Variants in CDH23 observed in about 807,000 individuals in gnomAD.
CDH23 encodes cadherin-23.
In CDH23, 189 loss-of-function variants were observed where a neutral mutation model predicts 317.1. That is an observed-to-expected ratio of 0.60 (90% CI 0.53 to 0.67). The LOEUF is 0.67. CDH23 is among the 30% of genes least tolerant of loss of function. The pLI is 0.00. For synonymous variants in CDH23, 1,839 were observed against 1,876.8 expected (o/e 0.98, Z 0.52); for missense variants, 4,401 against 4,592.4 (o/e 0.96, Z 1.20).
At chr10:71,516,848 A>T (rs1239566060) in intron 6 of CDH23, among the ~76,000 whole-genome samples, 1 of 152,234 alleles carries the variant, frequency 6.6e-6, no homozygotes, top group Non-Finnish European at 1.5e-5. Flanking sequence ...CCTGCCTTGC[A>T]AACATCGTAG....
At chr10:71,660,777 G>A (rs1863615112) in intron 14 of CDH23, among the ~76,000 whole-genome samples, 2 of 152,164 alleles carry the variant, frequency 1.3e-5, no homozygotes, top group Non-Finnish European at 2.9e-5. Flanking sequence ...TCACCTCTGT[G>A]TGCCTCCATT....
intron 20 of CDH23, among the ~76,000 whole-genome samples, chr10:71,691,327 T>A (rs1246803455): frequency 6.6e-6 from 1 of 152,216 alleles, no homozygotes; most frequent in East Asian, 1.9e-4. Context: ...CATTTATTCA[T>A]ATGTTCATTC....
At chr10:71,479,497 T>G (rs1013348496) in intron 3 of CDH23, among the ~76,000 whole-genome samples, 5 of 152,108 alleles carry the variant, frequency 3.3e-5, no homozygotes, top group Non-Finnish European at 7.4e-5. Context: ...CAGAGTGGAT[T>G]TGGAGAGACA....
intron 9 of CDH23, among the ~76,000 whole-genome samples, chr10:71,613,930 G>A (rs537226878): frequency 4.6e-5 from 7 of 152,308 alleles, no homozygotes; most frequent in African/African-American, 1.7e-4. Context: ...TCCTTATTTT[G>A]TGCCGGGGAT....
At chr10:71,614,273 C>T (rs760652569) in intron 9 of CDH23, among the ~76,000 whole-genome samples, 1 of 152,244 alleles carries the variant, frequency 6.6e-6, no homozygotes, top group East Asian at 1.9e-4. Context: ...GCATGCCCAA[C>T]AATGCCCAGC....
Position 71,645,892 on chromosome 10 carries a change from C to T in CDH23, c.1202C>T (p.Ser401Phe). 1 of 1,613,686 alleles carries T rather than the reference C, an allele frequency of 6.2e-7. No individual in the cohort carries two copies. The stretch of plus-strand genomic sequence containing the variant: ...AACAACTCCCACCACTTCATCATCT[C>T]CCCGACCTCCGTCCAGGGGAAGGCG... ...VGNNSHHFII[S>F]PTSVQGKADI... The change falls in exon 13 of 70, where the codon TCC becomes TTC. Residue 401 changes from serine (S) to phenylalanine (F), a missense_variant. Ser to Phe is a radical substitution (Grantham distance 155, BLOSUM62 -2). This residue lies in a region of CDH23 where 3,068 missense variants were observed against 3,203.3 expected (regional missense o/e 0.96). Transcript: ENST00000224721.
chr10:71,812,724 GTGTGGGGTC>G, intron 67 of CDH23, 35 bp from the exon 68 acceptor site: 1 of 1,612,820 alleles, frequency 6.2e-7, no homozygotes, highest in Middle Eastern at 1.6e-4. Flanking sequence ...TTGTACATGT[GTGTGGGGTC>G]TGCCTCTGCT....
chr10:71,813,131 C>A, intron 68 of CDH23, 113 bp from the exon 69 acceptor site: 1 of 1,167,734 alleles, frequency 8.6e-7, no homozygotes. Flanking sequence ...ATCCTCTGCC[C>A]TAGGATCACC....
intron 9 of CDH23, among the ~76,000 whole-genome samples, chr10:71,608,323 G>A (rs1860651352): frequency 6.6e-6 from 1 of 152,282 alleles, no homozygotes; most frequent in South Asian, 2.1e-4. Flanking sequence ...ACCTGGGCAG[G>A]GCCAGGTGAC....
rs1173306003 is a variant in CDH23, at chr10:71,751,548, A to G, written c.4845+9627A>G. 9.4e-7 allele frequency: 1 copy of G among 1,058,474 alleles called. No individual in the cohort carries two copies. Among genetic ancestry groups the G allele is most frequent in the African/African-American group, 1.6e-5 (1 of 61,454 alleles). 65.6% of individuals were successfully genotyped at this position (1,058,474 alleles called of 1,614,324 possible). On this transcript the variant is annotated intron_variant, in intron 38 of 69. Coordinates refer to ENST00000224721, the MANE Select transcript of CDH23 (RefSeq NM_022124.6). This position sits in a 1 kb window ranked among gnomAD's most constrained non-coding sequence, Gnocchi z 4.9. ...GGGGCCCCTCTGTCCCTCACCCTCA[A>G]CCCCACCCCGTGAGGCCGTGGAACT... is the stretch of plus-strand genomic sequence containing the variant.
At chr10:71,503,789 G>A (rs1023707275) in intron 3 of CDH23, among the ~76,000 whole-genome samples, 5 of 152,170 alleles carry the variant, frequency 3.3e-5, no homozygotes, top group South Asian at 2.1e-4. Flanking sequence ...GTGCTAACTC[G>A]CCACCCGAGA....
chr10:71,687,867 G>A (rs917902464), intron 19 of CDH23, 148 bp downstream of exon 19: 24 of 747,098 alleles, frequency 3.2e-5, no homozygotes, highest in Non-Finnish European at 5.2e-5. Flanking sequence ...TGACAAATCG[G>A]GGAGCCTTTG....
At chr10:71,633,302 A>AT (rs939525437) in intron 11 of CDH23, among the ~76,000 whole-genome samples, 9 of 151,892 alleles carry the variant, frequency 5.9e-5, no homozygotes, top group Non-Finnish European at 7.4e-5. Flanking sequence ...CTATCTTCTG[A>AT]TTTTTTTTCT....
chr10:71,461,652 C>T (rs58087176), intron 3 of CDH23, among the ~76,000 whole-genome samples: 3,279 of 152,324 alleles, frequency 0.022, 125 homozygotes, highest in African/African-American at 0.075. Context: ...CAGGACAGCG[C>T]GGCCACCGCG....
At chr10:71,633,664 G>A (rs1006782985) in intron 11 of CDH23, among the ~76,000 whole-genome samples, 4 of 152,200 alleles carry the variant, frequency 2.6e-5, no homozygotes, top group Admixed American at 6.5e-5. Flanking sequence ...AAAGGAGAGG[G>A]AGATGAAATT....
At chr10:71,523,643 C>G (rs527599921) in intron 6 of CDH23, among the ~76,000 whole-genome samples, 1 of 152,126 alleles carries the variant, frequency 6.6e-6, no homozygotes, top group Non-Finnish European at 1.5e-5. Flanking sequence ...CCCGTTTAAC[C>G]GTTGCTGTGC....
intron 16 of CDH23, among the ~76,000 whole-genome samples, chr10:71,678,346 C>T (rs977119674): frequency 2.0e-5 from 3 of 152,266 alleles, no homozygotes; most frequent in African/African-American, 7.2e-5. Flanking sequence ...CCCACGAAGA[C>T]ATAGTCGGGT....
At chr10:71,491,240 G>A (rs1852641065) in intron 3 of CDH23, among the ~76,000 whole-genome samples, 1 of 152,150 alleles carries the variant, frequency 6.6e-6, no homozygotes, top group Non-Finnish European at 1.5e-5. Flanking sequence ...GGGGTACTTT[G>A]ATTACTTTGC....
chr10:71,530,003 A>T (rs1353235707), intron 6 of CDH23, among the ~76,000 whole-genome samples: 1 of 150,066 alleles, frequency 6.7e-6, no homozygotes, highest in Non-Finnish European at 1.5e-5. Context: ...CTGGATGGAG[A>T]CTCAGGCATT....
Sources: allele counts gnomAD v4.1 joint callset (sites outside exome capture counted in the v4.1 genomes callset), GRCh38; gene constraint gnomAD v4.1.1; regional missense constraint gnomAD v4.1.1; non-coding constraint Gnocchi (gnomAD v3.1); transcripts MANE v1.5; gene names NCBI Gene and HGNC (gene_info 2026-07-23, HGNC 2026-07-21).